The following RSF1 variants were observed in gnomAD, a reference collection of about 807,000 sequenced individuals.
The protein encoded by RSF1 is remodeling and spacing factor 1.
A neutral mutation model predicts 145.2 loss-of-function variants in RSF1; 13 were observed. That is an observed-to-expected ratio of 0.09 (90% CI 0.06 to 0.14). RSF1 has a LOEUF of 0.14. Among genes scored for constraint, RSF1 ranks in the 10% least tolerant of loss-of-function variants. The pLI is 1.00. For synonymous variants in RSF1, 577 were observed against 592.6 expected, an observed-to-expected ratio of 0.97 and a Z score of 0.38; for missense variants, 1,517 against 1,718.2, an observed-to-expected ratio of 0.88 and a Z score of 2.07.
rs754640538 is a variant in RSF1 at position 77,725,708 on chromosome 11, G to C, written c.579-9C>G. On this transcript the variant is annotated splice_polypyrimidine_tract_variant and intron_variant, in intron 4 of 15. Coordinates refer to ENST00000308488, the MANE Select transcript of RSF1 (RefSeq NM_016578.4). ...CCAACTCGTTTCGATTTCTAAACAA[G>C]GAAAAAAATAAGACAGCATAAAAAC... 4 of 1,553,204 alleles carry C rather than the reference G, an allele frequency of 2.6e-6. No homozygotes were observed. The highest frequency in any genetic ancestry group is 3.5e-6 in the Non-Finnish European group (4 of 1,151,162).
the RSF1 span, among the ~76,000 whole-genome samples, chr11:77,833,103 G>A: frequency 6.8e-6 from 1 of 145,992 alleles, no homozygotes; most frequent in Non-Finnish European, 1.5e-5. Context: ...CTCAATCTCC[G>A]AGGTTCAAGC....
At chr11:77,827,009 G>A in the RSF1 span, among the ~76,000 whole-genome samples, 1 of 152,104 alleles carries the variant, frequency 6.6e-6, no homozygotes. Context: ...GGAGGCTGAG[G>A]CAGGAGAATC....
intron 1 of RSF1, among the ~76,000 whole-genome samples, chr11:77,785,925 C>CCAAA (rs1948451140): frequency 2.7e-5 from 1 of 37,126 alleles, no homozygotes; most frequent in Non-Finnish European, 4.7e-5. Flanking sequence ...GATTCTGTCT[C>CCAAA]AAAAAAAAAA....
At chr11:77,732,326 C>G (rs1590855975) in intron 4 of RSF1, among the ~76,000 whole-genome samples, 3 of 152,156 alleles carry the variant, frequency 2.0e-5, no homozygotes, top group African/African-American at 7.2e-5. Context: ...AATTAACTTG[C>G]TTTTGATTTT....
At chr11:77,810,450 A>G in intron 1 of RSF1, among the ~76,000 whole-genome samples, 1 of 152,230 alleles carries the variant, frequency 6.6e-6, no homozygotes, top group East Asian at 1.9e-4. Flanking sequence ...TAATACTAAA[A>G]CAGTTGGATG....
At chr11:77,826,926 G>A in the RSF1 span, among the ~76,000 whole-genome samples, 1 of 152,120 alleles carries the variant, frequency 6.6e-6, no homozygotes, top group Non-Finnish European at 1.5e-5. Flanking sequence ...CCAACATAGT[G>A]AAACACCATC....
At position 77,666,298 on chromosome 11, in the gene RSF1, G is replaced by A. The variant is rs1455799606; in HGVS notation, c.*619C>T. ...TATAACAAAAATTTAGGTTAATTAT[G>A]ATGGTACTTTCACTGTCTCTTCTTT... is the stretch of plus-strand genomic sequence containing the variant. On this transcript the variant is annotated 3_prime_UTR_variant, in exon 16 of 16. Coordinates refer to ENST00000308488, the MANE Select transcript of RSF1 (RefSeq NM_016578.4). The A allele has an allele frequency of 6.6e-6, 1 of 152,408 alleles. No homozygotes were observed. The highest frequency in any genetic ancestry group is 2.4e-5 in the African/African-American group (1 of 41,422). 9.4% of individuals were successfully genotyped at this position (152,408 alleles called of 1,614,324 possible).
At chr11:77,725,237 T>G (rs1961025271) in intron 5 of RSF1, among the ~76,000 whole-genome samples, 1 of 152,176 alleles carries the variant, frequency 6.6e-6, no homozygotes, top group Admixed American at 6.5e-5. Flanking sequence ...AATGGTAAAT[T>G]TTATGTTATA....
chr11:77,698,532 A>G lies in RSF1; in HGVS notation c.2670T>C (p.Asp890=), dbSNP rs1960337387. The stretch of plus-strand genomic sequence containing the variant: ...GGCCACATTTTTTGCATGGTTCATC[A>G]TCATCTGCTAGGATGGCTTCTTCAC... The part of the protein sequence containing the change: ...KESEEAILAD[D]DEPCKKCGLP... The change falls in exon 7 of 16, where the codon GAT becomes GAC. Residue 890 remains aspartate, a synonymous_variant. Transcript: ENST00000308488. The G allele has an allele frequency of 1.2e-6, 2 of 1,614,142 alleles. No homozygotes were observed. The highest frequency in any genetic ancestry group is 1.7e-6 in the Non-Finnish European group (2 of 1,180,014).
chr11:77,793,009 C>T (rs996076261), intron 1 of RSF1, among the ~76,000 whole-genome samples: 4 of 151,850 alleles, frequency 2.6e-5, no homozygotes, highest in South Asian at 2.1e-4. Flanking sequence ...AAAGGTACCA[C>T]GACATTAAAA....
At chr11:77,750,721 A>T (rs866140333) in intron 2 of RSF1, among the ~76,000 whole-genome samples, 4 of 152,230 alleles carry the variant, frequency 2.6e-5, no homozygotes, top group Admixed American at 2.6e-4. Context: ...CGTTATAATT[A>T]TAATTTGGTT....
chr11:77,823,798 A>G (rs1949048078), upstream of RSF1, among the ~76,000 whole-genome samples: 1 of 152,138 alleles, frequency 6.6e-6, no homozygotes, highest in Non-Finnish European at 1.5e-5. Flanking sequence ...TATGGAAAGA[A>G]CCTTCAAACC....
At chr11:77,829,563 A>C in the RSF1 span, 1 of 152,234 alleles carries the variant, frequency 6.6e-6, no homozygotes, top group East Asian at 1.9e-4. Context: ...CACATAGAAA[A>C]GAATGAAGTT....
At chr11:77,825,434 C>T (rs188964220), upstream of RSF1, among the ~76,000 whole-genome samples, 5 of 152,094 alleles carry the variant, frequency 3.3e-5, no homozygotes, top group East Asian at 1.9e-4. Flanking sequence ...AAGCTGCGCA[C>T]GGTGGTTCAA....
rs71046906 is a variant in RSF1, at chr11:77,700,349, CAAAAAAAAAA to C, written c.2508+362_2508+371del. Among the ~76,000 whole-genome samples, 10 of 47,212 alleles carry C rather than the reference CAAAAAAAAAA, an allele frequency of 2.1e-4. No individual in the cohort carries two copies. The East Asian group carries it at 2.5e-3, about 12-fold the overall frequency. 31.0% of individuals were successfully genotyped at this position (47,212 alleles called of 152,430 possible). ...CTGGCGACAGAGCAAGACTGTCTCA[CAAAAAAAAAA>C]AAAAAAAAAAAAAAAAAAGACTGCA... On this transcript the variant is annotated intron_variant, in intron 6 of 15. Coordinates refer to ENST00000308488, the MANE Select transcript of RSF1 (RefSeq NM_016578.4).
intron 8 of RSF1, chr11:77,691,783 T>C (rs548236542): frequency 2.0e-5 from 3 of 152,592 alleles, no homozygotes; most frequent in African/African-American, 7.2e-5. Context: ...ATACAAACAA[T>C]GCTACACAGT....
upstream of RSF1, among the ~76,000 whole-genome samples, chr11:77,824,732 G>A (rs142036600): frequency 1.4e-4 from 21 of 152,254 alleles, no homozygotes; most frequent in East Asian, 3.9e-3. Flanking sequence ...GACTAGAAAG[G>A]GGCACAAGGG....
chr11:77,792,563 T>C, intron 1 of RSF1, among the ~76,000 whole-genome samples: 1 of 152,162 alleles, frequency 6.6e-6, no homozygotes, highest in African/African-American at 2.4e-5. Context: ...CCAGGAACAC[T>C]TCACCACAGC....
rs141395052 is a variant in RSF1, at chr11:77,783,474, C to T, written c.188-18785G>A. Among the ~76,000 whole-genome samples, 356 of 152,242 alleles carry T rather than the reference C, an allele frequency of 2.3e-3. 2 individuals are homozygous for T. Among genetic ancestry groups the T allele is most frequent in the Admixed American group, 9.1e-3 (139 of 15,284 alleles). ...TACCTGTCTGAAAAAGTTTTTATTT[C>T]ACCCTAATTTTTGAAGGATATTTTG... On this transcript the variant is annotated intron_variant, in intron 1 of 15. Transcript: ENST00000308488.
Sources: allele counts gnomAD v4.1 joint callset (sites outside exome capture counted in the v4.1 genomes callset), GRCh38; gene constraint gnomAD v4.1.1; transcripts MANE v1.5; gene names NCBI Gene and HGNC (gene_info 2026-07-23, HGNC 2026-07-21).